SAMD12: variants seen among roughly 807,000 people sequenced by gnomAD.
SAMD12 encodes sterile alpha motif domain-containing protein 12.
A neutral mutation model predicts 15.0 loss-of-function variants in SAMD12; 9 were observed. The ratio of observed to expected loss-of-function variants is 0.60; its 90% CI spans 0.36 to 1.05. The LOEUF is 1.05. Among genes scored for constraint, SAMD12 ranks in the 50% least tolerant of loss-of-function variants. SAMD12 has a pLI of 0.01. For missense variants in SAMD12, 230 were observed against 234.2 expected, an observed-to-expected ratio of 0.98 and a Z score of 0.12; for synonymous variants, 86 against 90.1, an observed-to-expected ratio of 0.96 and a Z score of 0.25.
chr8:118,433,022 G>T (rs1386168789), intron 3 of SAMD12, among the ~76,000 whole-genome samples: 1 of 152,242 alleles, frequency 6.6e-6, no homozygotes, highest in Non-Finnish European at 1.5e-5. Flanking sequence ...CAGTAGGGAT[G>T]TTAGAAAGGG....
chr8:118,511,463 A>T (rs1057494790), intron 2 of SAMD12, among the ~76,000 whole-genome samples: 4 of 146,482 alleles, frequency 2.7e-5, no homozygotes, highest in African/African-American at 5.0e-5. Flanking sequence ...TTTTTTTTTT[A>T]AATGTACGTG....
At chr8:118,571,654 G>A (rs1295097020) in intron 2 of SAMD12, among the ~76,000 whole-genome samples, 1 of 152,294 alleles carries the variant, frequency 6.6e-6, no homozygotes, top group East Asian at 1.9e-4. Context: ...AGCTTGGGCC[G>A]TCGCTTCAGA....
intron 2 of SAMD12, among the ~76,000 whole-genome samples, chr8:118,520,815 TA>T (rs879293538): frequency 1.1e-4 from 16 of 151,962 alleles, no homozygotes; most frequent in Non-Finnish European, 2.2e-4. Flanking sequence ...AGGAGAAGAG[TA>T]AAAAGATAGA....
the SAMD12 span, among the ~76,000 whole-genome samples, chr8:118,178,263 C>T: frequency 6.6e-6 from 1 of 152,102 alleles, no homozygotes; most frequent in Non-Finnish European, 1.5e-5. Flanking sequence ...TATTTTAAGC[C>T]AAGCAACGTT....
chr8:118,447,582 C>T (rs1249163951), intron 2 of SAMD12, among the ~76,000 whole-genome samples: 14 of 152,046 alleles, frequency 9.2e-5, no homozygotes, highest in South Asian at 4.2e-4. Flanking sequence ...GGATTACAGG[C>T]GTGAGCCACC....
chr8:118,244,168 T>C (rs1396787307), intron 4 of SAMD12, among the ~76,000 whole-genome samples: 2 of 152,294 alleles, frequency 1.3e-5, no homozygotes, highest in African/African-American at 4.8e-5. Flanking sequence ...TTGGAGTACA[T>C]ACTGCGCATA....
intron 2 of SAMD12, among the ~76,000 whole-genome samples, chr8:118,450,152 C>T (rs1334083413): frequency 3.3e-5 from 5 of 152,146 alleles, no homozygotes; most frequent in African/African-American, 4.8e-5. Context: ...AGCTCTGAAG[C>T]GGATGCTTGT....
At chr8:118,226,523 C>A (rs1812191658) in intron 4 of SAMD12, among the ~76,000 whole-genome samples, 1 of 152,174 alleles carries the variant, frequency 6.6e-6, no homozygotes, top group Non-Finnish European at 1.5e-5. Context: ...AACTTCTGTC[C>A]ATCTGACTAT....
chr8:118,203,342 A>G (rs983364226), intron 4 of SAMD12, among the ~76,000 whole-genome samples: 4 of 152,044 alleles, frequency 2.6e-5, no homozygotes, highest in African/African-American at 9.7e-5. Context: ...TTTGCCCCCT[A>G]CAGCACAAAT....
the SAMD12 span, among the ~76,000 whole-genome samples, chr8:118,136,764 T>C: frequency 6.6e-6 from 1 of 152,176 alleles, no homozygotes; most frequent in Non-Finnish European, 1.5e-5. Context: ...GTCACTTTAA[T>C]GTCTGCTGTA....
At chr8:118,438,541 A>G (rs1446715865) in intron 3 of SAMD12, among the ~76,000 whole-genome samples, 1 of 152,140 alleles carries the variant, frequency 6.6e-6, no homozygotes, top group Non-Finnish European at 1.5e-5. Context: ...AAGCACACCC[A>G]CATCCCTTTG....
At chr8:118,495,335 G>T (rs765581533) in intron 2 of SAMD12, among the ~76,000 whole-genome samples, 1 of 152,124 alleles carries the variant, frequency 6.6e-6, no homozygotes, top group Non-Finnish European at 1.5e-5. Context: ...GGGGAAGTAT[G>T]ACATCATGGC....
intron 3 of SAMD12, among the ~76,000 whole-genome samples, chr8:118,411,086 A>G (rs1057202755): frequency 3.3e-5 from 5 of 152,202 alleles, no homozygotes; most frequent in Non-Finnish European, 5.9e-5. Flanking sequence ...ACTGTTGAGT[A>G]TAGTATTTTA....
At chr8:118,573,844 T>G (rs1827082766) in intron 2 of SAMD12, among the ~76,000 whole-genome samples, 1 of 152,202 alleles carries the variant, frequency 6.6e-6, no homozygotes, top group Non-Finnish European at 1.5e-5. Flanking sequence ...GACTTATTCA[T>G]TCATCAAAAA....
chr8:118,595,131 C>A (rs766251766), intron 1 of SAMD12, among the ~76,000 whole-genome samples: 26 of 152,170 alleles, frequency 1.7e-4, no homozygotes, highest in Non-Finnish European at 2.8e-4. Context: ...CATCCTACAG[C>A]CCAGCACTGG....
intron 4 of SAMD12, among the ~76,000 whole-genome samples, chr8:118,246,641 AG>A (rs1163395612): frequency 1.3e-5 from 2 of 152,126 alleles, no homozygotes; most frequent in East Asian, 3.9e-4. Context: ...TATCATTTCA[AG>A]GAGATATAAA....
intron 3 of SAMD12, among the ~76,000 whole-genome samples, chr8:118,404,645 A>T (rs1821037699): frequency 1.3e-5 from 2 of 152,194 alleles, no homozygotes; most frequent in Non-Finnish European, 2.9e-5. Flanking sequence ...AAGGAGTGGT[A>T]TATATGCAGA....
In SAMD12 at chr8:118,455,268, C is replaced by CCTCTCTCTCTCT. The variant is rs57371997; in HGVS notation, c.193-15319_193-15308dup. ...ACACTTTCTTCTCCTGGCTTTCACA[C>CCTCTCTCTCTCT]CTCTCTCTCTCTCTCTCTCTCTCTA... On this transcript the variant is annotated intron_variant, in intron 2 of 3. Coordinates refer to ENST00000314727, the MANE Select transcript of SAMD12 (RefSeq NM_207506.3). Among the ~76,000 whole-genome samples the CCTCTCTCTCTCT allele has an allele frequency of 5.7e-3, 849 of 148,708 alleles. 9 individuals are homozygous for CCTCTCTCTCTCT. The highest frequency in any genetic ancestry group is 0.011 in the Admixed American group (160 of 14,844).
intron 2 of SAMD12, among the ~76,000 whole-genome samples, chr8:118,559,048 C>T (rs1230751001): frequency 6.6e-6 from 1 of 152,128 alleles, no homozygotes; most frequent in Non-Finnish European, 1.5e-5. Context: ...TTTAATGATT[C>T]TATAATATCT....
Sources: allele counts gnomAD v4.1 joint callset (sites outside exome capture counted in the v4.1 genomes callset), GRCh38; gene constraint gnomAD v4.1.1; transcripts MANE v1.5; gene names NCBI Gene and HGNC (gene_info 2026-07-23, HGNC 2026-07-21).